Variants in RFX3 observed in about 807,000 individuals in gnomAD.
RFX3 encodes the protein regulatory factor X3.
Under a neutral mutation model 98.6 loss-of-function variants are expected in RFX3, and 14 were observed. That is an observed-to-expected ratio of 0.14 (90% CI 0.09 to 0.22). The LOEUF (loss-of-function observed/expected upper bound fraction) is 0.22, where lower values mean the gene tolerates loss of function less well. Ranked by LOEUF, RFX3 falls within the 10% of genes least tolerant of loss-of-function variation. RFX3 has a pLI of 1.00. For missense variants in RFX3, 639 were observed against 926.9 expected (o/e 0.69, Z 4.03); for synonymous variants, 383 against 328.4 (o/e 1.17, Z -1.80).
chr9:3,392,781 G>C (rs764186389), intron 2 of RFX3, among the ~76,000 whole-genome samples: 2 of 152,018 alleles, frequency 1.3e-5, no homozygotes, highest in Non-Finnish European at 2.9e-5. Flanking sequence ...TTGGTGTTTG[G>C]CTTGTCCATG....
intron 15 of RFX3, among the ~76,000 whole-genome samples, chr9:3,235,571 T>A (rs1222486154): frequency 1.3e-5 from 2 of 152,142 alleles, no homozygotes; most frequent in Non-Finnish European, 2.9e-5. Flanking sequence ...AAAATCAAGG[T>A]GTTGGCAGAG....
rs1433907278 is a variant in RFX3, at chr9:3,277,327, C to T, written c.973+13G>A. On this transcript the variant is annotated intron_variant, in intron 8 of 16. Coordinates refer to ENST00000617270, the MANE Select transcript of RFX3 (RefSeq NM_001282116.2). ...TCCTAGTAGCAACTAATATGCATTA[C>T]ACCTTAACATACCTAAAAACTGTTG... 1 of 1,611,734 alleles carries T rather than the reference C, an allele frequency of 6.2e-7. No homozygotes were observed. The highest frequency in any genetic ancestry group is 8.5e-7 in the Non-Finnish European group (1 of 1,178,398).
rs556563804 is a variant in RFX3 at position 3,467,870 on chromosome 9, A to T, written c.-9+57877T>A. ...AAAATAAGAAACATTTCCATGGTATAATATGAAGCCCAGCACTCTAGGCTC... is the reference window on the plus strand; with the variant it reads ...AAAATAAGAAACATTTCCATGGTATTATATGAAGCCCAGCACTCTAGGCTC... On this transcript the variant is annotated intron_variant, in intron 1 of 16. Transcript: ENST00000617270. 2.0e-5 allele frequency among the ~76,000 whole-genome samples: 3 copies of T among 152,304 alleles called. No homozygotes were observed. In the East Asian group the frequency reaches 5.8e-4, roughly 29 times the overall value.
intron 14 of RFX3, among the ~76,000 whole-genome samples, chr9:3,248,740 C>A (rs1821003209): frequency 6.6e-6 from 1 of 152,076 alleles, no homozygotes; most frequent in African/African-American, 2.4e-5. Flanking sequence ...GGAAGGCAAA[C>A]GTATTAAGTG....
chr9:3,383,615 C>T (rs1387905942), intron 2 of RFX3, among the ~76,000 whole-genome samples: 1 of 151,990 alleles, frequency 6.6e-6, no homozygotes, highest in Non-Finnish European at 1.5e-5. Context: ...CACTGAGTTA[C>T]TACGCAGCCA....
At chr9:3,467,605 A>T (rs191926851) in intron 1 of RFX3, among the ~76,000 whole-genome samples, 1 of 152,292 alleles carries the variant, frequency 6.6e-6, no homozygotes, top group East Asian at 1.9e-4. Flanking sequence ...ATACTGGACT[A>T]GTAGCTCTTT....
chr9:3,312,094 T>C (rs1586990257), intron 4 of RFX3, among the ~76,000 whole-genome samples: 3 of 152,138 alleles, frequency 2.0e-5, no homozygotes, highest in Non-Finnish European at 2.9e-5. Flanking sequence ...CCTAACTGAA[T>C]AGAGTAGAAA....
At chr9:3,432,020 C>A (rs1844698824) in intron 1 of RFX3, among the ~76,000 whole-genome samples, 1 of 152,100 alleles carries the variant, frequency 6.6e-6, no homozygotes, top group African/African-American at 2.4e-5. Context: ...ATCTATAAAT[C>A]TGTTCCCCAA....
chr9:3,498,689 CAGT>C (rs1482683320), intron 1 of RFX3, among the ~76,000 whole-genome samples: 3 of 152,050 alleles, frequency 2.0e-5, no homozygotes, highest in Non-Finnish European at 4.4e-5. Flanking sequence ...GCACAAACAG[CAGT>C]AGTTTTATAA....
intron 4 of RFX3, among the ~76,000 whole-genome samples, chr9:3,324,796 C>G (rs887624125): frequency 6.6e-6 from 1 of 151,902 alleles, no homozygotes; most frequent in African/African-American, 2.4e-5. Flanking sequence ...AACACCGTCT[C>G]TACTAAAAAT....
At chr9:3,300,173 T>C (rs746368956) in intron 5 of RFX3, among the ~76,000 whole-genome samples, 10 of 151,676 alleles carry the variant, frequency 6.6e-5, no homozygotes, top group African/African-American at 2.2e-4. Flanking sequence ...CATGCCAACA[T>C]AGCAGGAATA....
At chr9:3,364,257 C>CTT in intron 2 of RFX3, 1 of 153,970 alleles carries the variant, frequency 6.5e-6, no homozygotes, top group African/African-American at 2.4e-5. Context: ...ACTAATTTCA[C>CTT]TTTTTTTTTT....
intron 1 of RFX3, among the ~76,000 whole-genome samples, chr9:3,404,990 A>G (rs1807877569): frequency 6.6e-6 from 1 of 152,200 alleles, no homozygotes. Context: ...CAAAGTCACT[A>G]AGGAACAATC....
chr9:3,356,295 G>C (rs900793678), intron 2 of RFX3, among the ~76,000 whole-genome samples: 1 of 151,622 alleles, frequency 6.6e-6, no homozygotes, highest in African/African-American at 2.4e-5. Flanking sequence ...AAGAGAAAAA[G>C]AAGACACAAA....
Position 3,370,413 on chromosome 9 carries a change from C to T in RFX3, c.118-23649G>A, listed in dbSNP as rs572109730. On this transcript the variant is annotated intron_variant, in intron 2 of 16. Transcript: ENST00000617270. Reference sequence around the variant, plus strand: ...TGCCTACTCTGTGGTTCAAAACAGTCTTCAATAAATTTACAACTCTATCCT... The same window carrying T: ...TGCCTACTCTGTGGTTCAAAACAGTTTTCAATAAATTTACAACTCTATCCT... Among the ~76,000 whole-genome samples, 215 of 151,808 alleles carry T rather than the reference C, an allele frequency of 1.4e-3. 1 individual carries two copies. The highest frequency in any genetic ancestry group is 5.0e-3 in the African/African-American group (209 of 41,458).
chr9:3,327,514 G>T (rs2991310), intron 4 of RFX3, among the ~76,000 whole-genome samples: 19,414 of 151,596 alleles, frequency 0.13, 1,311 homozygotes, highest in Middle Eastern at 0.19. Context: ...ATCAATATGG[G>T]CTTGGTGAGA....
chr9:3,360,032 G>T (rs953095338), intron 2 of RFX3, among the ~76,000 whole-genome samples: 1 of 151,966 alleles, frequency 6.6e-6, no homozygotes, highest in Non-Finnish European at 1.5e-5. Context: ...AAAAGAGATG[G>T]GGAAACCAGC....
At chr9:3,478,409 CTTT>C (rs200717765) in intron 1 of RFX3, among the ~76,000 whole-genome samples, 1 of 127,848 alleles carries the variant, frequency 7.8e-6, no homozygotes. Flanking sequence ...TCTGCTAGAA[CTTT>C]TTTTTTTTTT....
chr9:3,324,534 C>T (rs1369371260), intron 4 of RFX3, among the ~76,000 whole-genome samples: 1 of 140,028 alleles, frequency 7.1e-6, no homozygotes, highest in East Asian at 2.0e-4. Flanking sequence ...GTCTCCAAGA[C>T]ATATTGTTAG....
Sources: allele counts gnomAD v4.1 joint callset (sites outside exome capture counted in the v4.1 genomes callset), GRCh38; gene constraint gnomAD v4.1.1; transcripts MANE v1.5; gene names NCBI Gene and HGNC (gene_info 2026-07-23, HGNC 2026-07-21).